The following NRXN3 variants were observed in gnomAD, a reference collection of about 807,000 sequenced individuals.
NRXN3 encodes neurexin III.
Under a neutral mutation model 137.6 loss-of-function variants are expected in NRXN3, and 32 were observed. The ratio of observed to expected loss-of-function variants is 0.23; its 90% confidence interval spans 0.18 to 0.31. The LOEUF (loss-of-function observed/expected upper bound fraction) is 0.31. Among genes scored for constraint, NRXN3 ranks in the 10% least tolerant of loss-of-function variants. The pLI is 1.00. For missense variants in NRXN3, 1,574 were observed against 2,062.5 expected, an observed-to-expected ratio of 0.76 and a Z score of 4.59; for synonymous variants, 798 against 784.5, an observed-to-expected ratio of 1.02 and a Z score of -0.29.
chr14:79,133,856 G>A (rs567006944), intron 15 of NRXN3, among the ~76,000 whole-genome samples: 1 of 151,708 alleles, frequency 6.6e-6, no homozygotes, highest in Admixed American at 6.6e-5. Context: ...GTGAACCCAG[G>A]AGGTGGAGCT....
chr14:79,489,390 G>A (rs1320148262), intron 16 of NRXN3, among the ~76,000 whole-genome samples: 2 of 152,184 alleles, frequency 1.3e-5, no homozygotes, highest in East Asian at 3.9e-4. Context: ...TGGTGCCAAT[G>A]GCACACCAAT....
At chr14:78,404,806 A>T (rs1361849098) in intron 4 of NRXN3, among the ~76,000 whole-genome samples, 1 of 152,170 alleles carries the variant, frequency 6.6e-6, no homozygotes, top group Non-Finnish European at 1.5e-5. Context: ...AGGGAGAGTA[A>T]TGTTGATTGG....
intron 6 of NRXN3, among the ~76,000 whole-genome samples, chr14:78,689,820 CTCTT>C (rs1602479065): frequency 1.3e-5 from 2 of 151,772 alleles, no homozygotes; most frequent in East Asian, 3.9e-4. Context: ...TGGTCTCACT[CTCTT>C]TCTCTCTCTC....
At chr14:78,245,806 G>A (rs2067588437) in intron 2 of NRXN3, among the ~76,000 whole-genome samples, 1 of 152,172 alleles carries the variant, frequency 6.6e-6, no homozygotes. Flanking sequence ...TGTCAGAGCT[G>A]GAGATGCCAG....
chr14:78,704,459 G>A (rs1385871200), intron 6 of NRXN3, among the ~76,000 whole-genome samples: 1 of 152,166 alleles, frequency 6.6e-6, no homozygotes, highest in Non-Finnish European at 1.5e-5. Context: ...TAACACCTGG[G>A]TTCATACAGA....
At position 79,262,474 on chromosome 14, in the gene NRXN3, G is replaced by GAGGAGGAGA. The variant is rs201529716; in HGVS notation, c.3263-204736_3263-204728dup. Reference sequence around the variant, plus strand: ...GGAGGAGGAAGGAGGAAGGAGAAAGGAGGAGGAGAAGGAGGAGAATGAGGA... The same window carrying GAGGAGGAGA: ...GGAGGAGGAAGGAGGAAGGAGAAAGGAGGAGGAGAAGGAGGAGAAGGAGGAGAATGAGGA... On this transcript the variant is annotated intron_variant, in intron 15 of 20. Coordinates refer to ENST00000335750, the MANE Select transcript of NRXN3 (RefSeq NM_001330195.2). Among the ~76,000 whole-genome samples the GAGGAGGAGA allele has an allele frequency of 4.8e-3, 717 of 150,310 alleles. 4 individuals are homozygous for GAGGAGGAGA. Among genetic ancestry groups the GAGGAGGAGA allele is most frequent in the African/African-American group, 0.017 (698 of 40,824 alleles).
At chr14:79,208,268 C>A (rs1033811011) in intron 15 of NRXN3, among the ~76,000 whole-genome samples, 2 of 152,124 alleles carry the variant, frequency 1.3e-5, no homozygotes, top group African/African-American at 4.8e-5. Flanking sequence ...GTCACTTAAT[C>A]CAGGACAGTT....
chr14:78,912,737 C>T (rs1361823950), intron 10 of NRXN3, among the ~76,000 whole-genome samples: 1 of 152,150 alleles, frequency 6.6e-6, no homozygotes, highest in Admixed American at 6.6e-5. Flanking sequence ...GTAAGATTAT[C>T]TGGAAAGTGC....
intron 15 of NRXN3, among the ~76,000 whole-genome samples, chr14:79,295,563 G>T (rs2083932648): frequency 6.6e-6 from 1 of 152,194 alleles, no homozygotes; most frequent in South Asian, 2.1e-4. Context: ...TGCTGATCTT[G>T]TTCATGGCTG....
At chr14:79,617,922 A>AAAAAAAG in intron 16 of NRXN3, among the ~76,000 whole-genome samples, 1 of 150,320 alleles carries the variant, frequency 6.7e-6, no homozygotes, top group African/African-American at 2.5e-5. Context: ...AGCAGCAAAA[A>AAAAAAAG]AAAAAAAAAA....
At chr14:78,781,229 G>A (rs1386499628) in intron 8 of NRXN3, among the ~76,000 whole-genome samples, 1 of 152,150 alleles carries the variant, frequency 6.6e-6, no homozygotes, top group African/African-American at 2.4e-5. Flanking sequence ...AATATTTCAT[G>A]TGTAGTTTCA....
chr14:78,935,262 G>A (rs1440941547), intron 10 of NRXN3, among the ~76,000 whole-genome samples: 3 of 152,100 alleles, frequency 2.0e-5, no homozygotes, highest in African/African-American at 4.8e-5. Context: ...TTGACTCAAA[G>A]GGCTGTGGAT....
At chr14:79,376,197 T>G (rs755133993) in intron 15 of NRXN3, among the ~76,000 whole-genome samples, 28 of 45,936 alleles carry the variant, frequency 6.1e-4, no homozygotes, top group East Asian at 3.6e-3. Context: ...TACATGTGGG[T>G]GTGTGTGTGT....
intron 19 of NRXN3, among the ~76,000 whole-genome samples, chr14:79,711,662 C>T (rs1296967062): frequency 6.6e-6 from 1 of 152,158 alleles, no homozygotes; most frequent in Non-Finnish European, 1.5e-5. Context: ...CTAGATATCC[C>T]CTTTGGGGAA....
At chr14:79,277,948 G>A (rs1319544648) in intron 15 of NRXN3, among the ~76,000 whole-genome samples, 2 of 152,152 alleles carry the variant, frequency 1.3e-5, no homozygotes, top group Non-Finnish European at 2.9e-5. Flanking sequence ...TTCTGAAATG[G>A]ACTTGATGTA....
At chr14:78,248,059 A>G (rs1371782338) in intron 2 of NRXN3, among the ~76,000 whole-genome samples, 3 of 152,334 alleles carry the variant, frequency 2.0e-5, no homozygotes, top group East Asian at 3.9e-4. Flanking sequence ...ACGTTGATTC[A>G]GTAGAGGGAA....
At chr14:78,952,547 C>T (rs1035560398) in intron 10 of NRXN3, among the ~76,000 whole-genome samples, 1 of 152,118 alleles carries the variant, frequency 6.6e-6, no homozygotes, top group African/African-American at 2.4e-5. Context: ...CTAGCCTAGC[C>T]AAAGGGGCTG....
chr14:78,363,720 A>G (rs1009978399), intron 4 of NRXN3, among the ~76,000 whole-genome samples: 1 of 152,194 alleles, frequency 6.6e-6, no homozygotes, highest in Admixed American at 6.5e-5. Context: ...TTGCTCTTCC[A>G]TGCATCCACT....
chr14:78,673,182 T>G (rs2097955510), intron 6 of NRXN3, among the ~76,000 whole-genome samples: 2 of 152,158 alleles, frequency 1.3e-5, no homozygotes, highest in Non-Finnish European at 2.9e-5. Flanking sequence ...AATTAATAGG[T>G]CCAGGTACTA....
Sources: gnomAD v4.1 joint callset for allele counts (sites outside exome capture counted in the v4.1 genomes callset) on GRCh38, gnomAD v4.1.1 for gene constraint, MANE v1.5 for transcripts, NCBI Gene and HGNC (gene_info 2026-07-23, HGNC 2026-07-21) for gene names.